Variants in TMEM44 observed in about 807,000 individuals in gnomAD.
The protein encoded by TMEM44 is transmembrane protein 44.
Under a neutral mutation model 47.8 loss-of-function variants are expected in TMEM44, and 43 were observed. That is an observed-to-expected ratio of 0.90 (90% CI 0.70 to 1.16). The LOEUF (loss-of-function observed/expected upper bound fraction) is 1.16, where lower values mean the gene tolerates loss of function less well. Among genes scored for constraint, TMEM44 ranks in the 50% most tolerant of loss-of-function variants. The pLI, the probability that TMEM44 is intolerant of heterozygous loss-of-function variation, is 0.00. For missense variants in TMEM44, 568 were observed against 555.2 expected (o/e 1.02, Z -0.23); for synonymous variants, 277 against 238.8 (o/e 1.16, Z -1.48).
chr3:194,626,007 A>G lies in TMEM44; in HGVS notation c.265-17T>C. 1 of 1,592,120 alleles carries G rather than the reference A, an allele frequency of 6.3e-7. No individual in the cohort carries two copies. The highest frequency in any genetic ancestry group is 8.6e-7 in the Non-Finnish European group (1 of 1,160,388). On this transcript the variant is annotated splice_polypyrimidine_tract_variant and intron_variant, in intron 2 of 9. Coordinates refer to ENST00000347147, the MANE Select transcript of TMEM44 (RefSeq NM_001011655.3). ...AGTGAAAACCTGGGAGCAAACGGGA[A>G]GAGAGTCTTGGCATTCAAGCATCTT... is the stretch of plus-strand genomic sequence containing the variant.
chr3:194,628,409 G>A lies in TMEM44; in HGVS notation c.238C>T (p.Leu80Phe). The A allele has an allele frequency of 6.2e-7, 1 of 1,612,364 alleles. No homozygotes were observed. The highest frequency in any genetic ancestry group is 1.1e-5 in the South Asian group (1 of 90,676). ...LTSLCDTVGA[L>F]LARQLTIQVF... Reference sequence around the variant, plus strand: ...TGGATTGTGAGCTGTCTGGCCAGAAGAGCCCCGACGGTGTCACACAGACTG... The same window carrying A: ...TGGATTGTGAGCTGTCTGGCCAGAAAAGCCCCGACGGTGTCACACAGACTG... Residue 80 changes from leucine to phenylalanine, a missense_variant, in exon 2 of 10, where the codon CTT (leucine) becomes TTT (phenylalanine). Physicochemically the swap from Leu to Phe is conservative, Grantham distance 22. Transcript: ENST00000347147.
At chr3:194,629,546 A>C (rs981740818) in intron 1 of TMEM44, among the ~76,000 whole-genome samples, 1 of 151,842 alleles carries the variant, frequency 6.6e-6, no homozygotes, top group Admixed American at 6.6e-5. Flanking sequence ...TATCGGCGTC[A>C]CTGATAGGGC....
intron 9 of TMEM44, among the ~76,000 whole-genome samples, chr3:194,599,189 C>T (rs75403072): frequency 0.02 from 3,102 of 152,272 alleles, 92 homozygotes; most frequent in African/African-American, 0.071. Flanking sequence ...GGGTATGGTC[C>T]GGAAGAGTAA....
intron 9 of TMEM44, among the ~76,000 whole-genome samples, chr3:194,599,677 C>T (rs1423495025): frequency 2.0e-5 from 3 of 151,650 alleles, no homozygotes; most frequent in Admixed American, 6.6e-5. Flanking sequence ...CTCCGCCTCC[C>T]GGGTTCAAGT....
At chr3:194,596,934 T>C (rs77570338) in intron 9 of TMEM44, 9,579 of 152,210 alleles carry the variant, frequency 0.063, 426 homozygotes, top group Middle Eastern at 0.1. Context: ...GCCAGAAAGT[T>C]TGGAGAGAGA....
chr3:194,610,798 C>T, intron 8 of TMEM44, 118 bp downstream of exon 8: 1 of 874,226 alleles, frequency 1.1e-6, no homozygotes, highest in Non-Finnish European at 1.8e-6. Flanking sequence ...TTCTTTTTTA[C>T]CTGCTTCTCT....
intron 2 of TMEM44, among the ~76,000 whole-genome samples, chr3:194,627,919 C>A (rs565976812): frequency 9.9e-5 from 15 of 152,220 alleles, no homozygotes; most frequent in Admixed American, 8.5e-4. Context: ...ACGGAGGCTG[C>A]AGTGAGCCAA....
chr3:194,602,581 G>A (rs1220065200), intron 9 of TMEM44, among the ~76,000 whole-genome samples: 3 of 148,026 alleles, frequency 2.0e-5, no homozygotes, highest in African/African-American at 7.7e-5. Context: ...CAGCCTGGGT[G>A]ACAGAGCGAG....
At chr3:194,625,472 G>A (rs544335862) in intron 3 of TMEM44, among the ~76,000 whole-genome samples, 2 of 150,776 alleles carry the variant, frequency 1.3e-5, no homozygotes, top group Non-Finnish European at 1.5e-5. Context: ...TTTTTGAGAC[G>A]GAGTCTCGCT....
intron 9 of TMEM44, chr3:194,589,032 C>G (rs186679075): frequency 4.4e-6 from 1 of 229,264 alleles, no homozygotes; most frequent in African/African-American, 2.3e-5. Context: ...CAGGGTCTTG[C>G]GGTGTCACCC....
Position 194,625,917 on chromosome 3 carries a change from G to T in TMEM44, c.338C>A (p.Ser113Tyr). 6.2e-7 allele frequency: 1 copy of T among 1,613,622 alleles called. No individual in the cohort carries two copies. Reference protein sequence around the residue: ...FMFILFPVCGSKFKSNSDREA... With the variant: ...FMFILFPVCGYKFKSNSDREA... ...CTCACCTGAATTAGACTTGAATTTGGATCCACAGACTGGGAAGAGAATGAA... is the reference window on the plus strand; with the variant it reads ...CTCACCTGAATTAGACTTGAATTTGTATCCACAGACTGGGAAGAGAATGAA... The change falls in exon 3 of 10, where the codon TCC becomes TAC. Residue 113 changes from serine (S) to tyrosine (Y), a missense_variant. Coordinates refer to ENST00000347147, the MANE Select transcript of TMEM44 (RefSeq NM_001011655.3).
chr3:194,600,593 A>T (rs1399443216), intron 9 of TMEM44, among the ~76,000 whole-genome samples: 2 of 151,352 alleles, frequency 1.3e-5, no homozygotes, highest in African/African-American at 2.4e-5. Flanking sequence ...CTAAAATATT[A>T]AAAAAAAATT....
intron 8 of TMEM44, among the ~76,000 whole-genome samples, chr3:194,605,124 CTATCTATG>C (rs1196201171): frequency 1.3e-5 from 2 of 150,594 alleles, no homozygotes; most frequent in South Asian, 4.2e-4. Context: ...ATCTATGTAT[CTATCTATG>C]TATCTATCTA....
intron 3 of TMEM44, among the ~76,000 whole-genome samples, chr3:194,624,581 G>A (rs1716934751): frequency 6.6e-6 from 1 of 151,740 alleles, no homozygotes; most frequent in African/African-American, 2.4e-5. Flanking sequence ...ATCATGCCCA[G>A]CTACTTTTTA....
chr3:194,623,388 A>C, intron 4 of TMEM44, 78 bp from the exon 5 acceptor site: 3 of 1,521,270 alleles, frequency 2.0e-6, no homozygotes, highest in Non-Finnish European at 1.8e-6. Context: ...GCCAAAGCTC[A>C]GGAGTCCTTT....
chr3:194,590,790 G>C (rs1199208402), intron 9 of TMEM44, among the ~76,000 whole-genome samples: 1 of 152,152 alleles, frequency 6.6e-6, no homozygotes, highest in African/African-American at 2.4e-5. Context: ...TGATGATTGA[G>C]AACCACTGCT....
intron 8 of TMEM44, among the ~76,000 whole-genome samples, chr3:194,607,795 A>G (rs789997): frequency 0.94 from 142,758 of 152,260 alleles, 66,961 homozygotes; most frequent in African/African-American, 0.96. Flanking sequence ...TAGACAGGCT[A>G]TGATGGGAGG....
chr3:194,599,565 TTTTCA>T (rs1457545022), intron 9 of TMEM44, among the ~76,000 whole-genome samples: 1 of 142,802 alleles, frequency 7.0e-6, no homozygotes, highest in East Asian at 2.0e-4. Flanking sequence ...GCAAATTTTC[TTTTCA>T]TTTTCTTTTT....
chr3:194,600,249 G>A (rs1312643139), intron 9 of TMEM44, among the ~76,000 whole-genome samples: 1 of 151,930 alleles, frequency 6.6e-6, no homozygotes, highest in East Asian at 1.9e-4. Context: ...GTACCACTAC[G>A]CCAAGCTAAT....
Sources: allele counts gnomAD v4.1 joint callset (sites outside exome capture counted in the v4.1 genomes callset), GRCh38; gene constraint gnomAD v4.1.1; transcripts MANE v1.5; gene names NCBI Gene and HGNC (gene_info 2026-07-23, HGNC 2026-07-21).